CDH13: variants seen among roughly 807,000 people sequenced by gnomAD.
The protein encoded by CDH13 is cadherin 13.
In CDH13, 24 loss-of-function variants were observed where a neutral mutation model predicts 63.8. That is an observed-to-expected ratio of 0.38 (90% confidence interval 0.27 to 0.53). The LOEUF is 0.53. Among genes scored for constraint, CDH13 ranks in the 20% least tolerant of loss-of-function variants. CDH13 has a pLI of 0.85. For synonymous variants in CDH13, 503 were observed against 355.3 expected (o/e 1.42, Z -4.67); for missense variants, 1,049 against 903.1 (o/e 1.16, Z -2.07).
chr16:83,094,662 C>T (rs372512176), intron 3 of CDH13, among the ~76,000 whole-genome samples: 1 of 152,176 alleles, frequency 6.6e-6, no homozygotes, highest in African/African-American at 2.4e-5. Flanking sequence ...GCTTCAGTTC[C>T]AAATAAAGGG....
chr16:83,121,360 T>C (rs1178567512), intron 3 of CDH13, among the ~76,000 whole-genome samples: 1 of 152,238 alleles, frequency 6.6e-6, no homozygotes, highest in African/African-American at 2.4e-5. Flanking sequence ...CTAGGTAAAT[T>C]GGAGCAGTTT....
At chr16:82,779,456 A>G (rs1210309354) in intron 1 of CDH13, among the ~76,000 whole-genome samples, 1 of 152,204 alleles carries the variant, frequency 6.6e-6, no homozygotes, top group East Asian at 1.9e-4. Flanking sequence ...TGTAGAAAAC[A>G]TTCTTGTTCC....
intron 2 of CDH13, among the ~76,000 whole-genome samples, chr16:82,863,345 C>A (rs1181428047): frequency 6.6e-6 from 1 of 152,212 alleles, no homozygotes; most frequent in Non-Finnish European, 1.5e-5. Flanking sequence ...AAGCTCCTCT[C>A]CCTGTGCCAT....
intron 2 of CDH13, among the ~76,000 whole-genome samples, chr16:83,002,206 G>A (rs1184088347): frequency 6.6e-6 from 1 of 152,204 alleles, no homozygotes; most frequent in African/African-American, 2.4e-5. Context: ...CTGATAATGA[G>A]AGGAGCCTGG....
chr16:83,356,548 C>G (rs1481444822), intron 6 of CDH13, among the ~76,000 whole-genome samples: 3 of 152,134 alleles, frequency 2.0e-5, no homozygotes, highest in African/African-American at 4.8e-5. Flanking sequence ...CTCTAAGACT[C>G]CCATCCCTTC....
At chr16:83,459,818 G>C (rs535605881) in intron 6 of CDH13, among the ~76,000 whole-genome samples, 1 of 152,326 alleles carries the variant, frequency 6.6e-6, no homozygotes, top group East Asian at 1.9e-4. Context: ...ACCACAAAAA[G>C]TGTAGAATGG....
intron 2 of CDH13, among the ~76,000 whole-genome samples, chr16:82,893,155 C>T (rs539968067): frequency 6.6e-6 from 1 of 152,262 alleles, no homozygotes; most frequent in Non-Finnish European, 1.5e-5. Context: ...ACAAGCAAAC[C>T]TCAAACAGAG....
intron 1 of CDH13, among the ~76,000 whole-genome samples, chr16:82,832,153 A>C (rs951952006): frequency 3.9e-5 from 6 of 152,358 alleles, no homozygotes; most frequent in African/African-American, 1.4e-4. Context: ...CCCTAAATGC[A>C]TTAAGAGTCA....
rs1228417891 is a variant in CDH13 at position 82,764,309 on chromosome 16, A to G, written c.46-94053A>G. Reference sequence around the variant, plus strand: ...AGCTGATTATTTGGTTCCCAATACCATGGTCTTGCTACTTACCTACTAGAA... The same window carrying G: ...AGCTGATTATTTGGTTCCCAATACCGTGGTCTTGCTACTTACCTACTAGAA... On this transcript the variant is annotated intron_variant, in intron 1 of 13. Transcript: ENST00000567109. Among the ~76,000 whole-genome samples, 7 of 152,182 alleles carry G rather than the reference A, an allele frequency of 4.6e-5. No individual in the cohort carries two copies. The South Asian group carries it at 1.2e-3, about 27-fold the overall frequency.
chr16:83,379,864 T>A (rs2091524731), intron 6 of CDH13, among the ~76,000 whole-genome samples: 1 of 150,868 alleles, frequency 6.6e-6, no homozygotes, highest in Non-Finnish European at 1.5e-5. Flanking sequence ...CCCAATAATT[T>A]CTATAAAGAT....
At chr16:83,033,447 G>T (rs539037466) in intron 3 of CDH13, among the ~76,000 whole-genome samples, 1 of 152,166 alleles carries the variant, frequency 6.6e-6, no homozygotes, top group African/African-American at 2.4e-5. Context: ...GGTGACTTCA[G>T]TATATATATG....
At chr16:83,550,487 G>C (rs1420479669) in intron 7 of CDH13, among the ~76,000 whole-genome samples, 3 of 152,210 alleles carry the variant, frequency 2.0e-5, no homozygotes, top group African/African-American at 7.2e-5. Context: ...ACAATTGATT[G>C]ATAGGAGGTC....
chr16:83,627,635 C>T (rs1047728557), intron 8 of CDH13, among the ~76,000 whole-genome samples: 10 of 152,110 alleles, frequency 6.6e-5, no homozygotes, highest in African/African-American at 1.7e-4. Flanking sequence ...ACTGCAGTCT[C>T]GGCCTCTCAG....
rs541829667 is a variant in CDH13, at chr16:83,733,359, G to C, written c.1539-14749G>C. ...GAAACCCAGATGCTTCTGTCTCCCA[G>C]GGACCCTGCAGCCCTCCCGGTAACC... On this transcript the variant is annotated intron_variant, in intron 10 of 13. Coordinates refer to ENST00000567109, the MANE Select transcript of CDH13 (RefSeq NM_001257.5). Among the ~76,000 whole-genome samples the C allele has an allele frequency of 9.7e-4, 147 of 152,258 alleles. 1 individual carries two copies. Among genetic ancestry groups the C allele is most frequent in the African/African-American group, 3.4e-3 (140 of 41,562 alleles).
chr16:83,514,598 TC>T, intron 7 of CDH13, among the ~76,000 whole-genome samples: 1 of 152,150 alleles, frequency 6.6e-6, no homozygotes, highest in Non-Finnish European at 1.5e-5. Context: ...TAAGCCAAGA[TC>T]ATACCACTGC....
In CDH13 at chr16:83,117,311, C is replaced by T. The variant is rs144081499; in HGVS notation, c.367-8074C>T. On this transcript the variant is annotated intron_variant, in intron 3 of 13. Transcript: ENST00000567109. ...ACCTTGCCCACGCCAGCAGCTGCCACACTGAAGCTCCGCCATGCCCGGTAG... is the reference window on the plus strand; with the variant it reads ...ACCTTGCCCACGCCAGCAGCTGCCATACTGAAGCTCCGCCATGCCCGGTAG... Among the ~76,000 whole-genome samples the T allele has an allele frequency of 5.5e-3, 842 of 152,316 alleles. 6 individuals are homozygous for T. The highest frequency in any genetic ancestry group is 0.019 in the African/African-American group (796 of 41,568).
In CDH13 at chr16:82,723,685, A is replaced by G. The variant is rs547246074; in HGVS notation, c.45+96548A>G. The stretch of plus-strand genomic sequence containing the variant: ...ATACAAAACTCCACACCAGATTGCG[A>G]CAGGAGTGAAAGATAAATCTTTACA... On this transcript the variant is annotated intron_variant, in intron 1 of 13. Coordinates refer to ENST00000567109, the MANE Select transcript of CDH13 (RefSeq NM_001257.5). Among the ~76,000 whole-genome samples, 6 of 152,320 alleles carry G rather than the reference A, an allele frequency of 3.9e-5. No homozygotes were observed. In the South Asian group the frequency reaches 1.2e-3, roughly 32 times the overall value.
chr16:83,196,191 G>C (rs933768174), intron 4 of CDH13, among the ~76,000 whole-genome samples: 5 of 152,256 alleles, frequency 3.3e-5, no homozygotes, highest in East Asian at 3.9e-4. Context: ...GGGAGGCGGA[G>C]GTTGCAGTGA....
At chr16:83,285,866 A>G (rs1441314461) in intron 5 of CDH13, among the ~76,000 whole-genome samples, 5 of 152,016 alleles carry the variant, frequency 3.3e-5, no homozygotes, top group African/African-American at 7.3e-5. Flanking sequence ...AAAAAAATAA[A>G]CTCTACTCAT....
Sources: gnomAD v4.1 joint callset for allele counts (sites outside exome capture counted in the v4.1 genomes callset) on GRCh38, gnomAD v4.1.1 for gene constraint, MANE v1.5 for transcripts, NCBI Gene and HGNC (gene_info 2026-07-23, HGNC 2026-07-21) for gene names.